The following CHLSN variants were observed in gnomAD, a reference collection of about 807,000 sequenced individuals.
CHLSN encodes cholesin.
At chr7:1,080,367 C>G in the CHLSN span, among the ~76,000 whole-genome samples, 6,879 of 152,328 alleles carry the variant, frequency 0.045, 202 homozygotes, top group East Asian at 0.067. Context: ...CGAGCAGCCA[C>G]GGCCACCTGG....
chr7:1,101,112 GCCA>G, the CHLSN span, among the ~76,000 whole-genome samples: 27 of 152,370 alleles, frequency 1.8e-4, no homozygotes, highest in East Asian at 4.6e-3. Flanking sequence ...TGACACGTGC[GCCA>G]CGAGGGCAGG....
the CHLSN span, among the ~76,000 whole-genome samples, chr7:1,085,986 G>A: frequency 6.6e-6 from 1 of 152,214 alleles, no homozygotes; most frequent in Non-Finnish European, 1.5e-5. Flanking sequence ...ATCAGTAGCT[G>A]TACAGTACAA....
chr7:998,211 TCTTGGTGGCCTGACC>T, the CHLSN span, among the ~76,000 whole-genome samples: 1 of 152,172 alleles, frequency 6.6e-6, no homozygotes, highest in Non-Finnish European at 1.5e-5. Context: ...AGGTGGCATC[TCTTGGTGGCCTGACC>T]CTTGTCTGCT....
chr7:989,155 T>C, the CHLSN span: 2 of 341,756 alleles, frequency 5.9e-6, no homozygotes, highest in African/African-American at 4.2e-5. Context: ...CACCTACAGC[T>C]GGGGCTGCAG....
the CHLSN span, among the ~76,000 whole-genome samples, chr7:996,261 G>A: frequency 6.6e-6 from 1 of 152,186 alleles, no homozygotes; most frequent in Non-Finnish European, 1.5e-5. Flanking sequence ...GGGTGAGGCC[G>A]GCCGTGCTCC....
chr7:1,122,054 GC>G, the CHLSN span, among the ~76,000 whole-genome samples: 1 of 152,226 alleles, frequency 6.6e-6, no homozygotes, highest in Admixed American at 6.5e-5. Flanking sequence ...CCGGCTCGCA[GC>G]CAGCCACAGG....
the CHLSN span, among the ~76,000 whole-genome samples, chr7:1,014,016 C>G: frequency 6.6e-6 from 1 of 152,216 alleles, no homozygotes; most frequent in African/African-American, 2.4e-5. Flanking sequence ...GGGGAGGCGG[C>G]CAGCGGGCCT....
At chr7:1,110,051 G>A in the CHLSN span, among the ~76,000 whole-genome samples, 4 of 151,664 alleles carry the variant, frequency 2.6e-5, no homozygotes, top group Admixed American at 1.3e-4. Flanking sequence ...GGCCCTCCAC[G>A]CCCAGACACG....
the CHLSN span, chr7:1,127,323 C>T: frequency 6.2e-7 from 1 of 1,610,872 alleles, no homozygotes. Flanking sequence ...CTGCTGACGC[C>T]TTCTTCAGCT....
chr7:1,011,377 CCA>C, the CHLSN span, among the ~76,000 whole-genome samples: 17 of 149,568 alleles, frequency 1.1e-4, no homozygotes, highest in South Asian at 6.4e-4. Flanking sequence ...TCCAACAAAT[CCA>C]CAGACACCCA....
the CHLSN span, among the ~76,000 whole-genome samples, chr7:1,133,233 C>T: frequency 0.11 from 16,168 of 151,872 alleles, 1,486 homozygotes; most frequent in African/African-American, 0.25. Flanking sequence ...TCAGGATACG[C>T]AAATTATACT....
At chr7:1,070,722 GCA>G in the CHLSN span, among the ~76,000 whole-genome samples, 1 of 142,614 alleles carries the variant, frequency 7.0e-6, no homozygotes, top group Non-Finnish European at 1.5e-5. Context: ...ACGCACACGC[GCA>G]CACATGCACG....
chr7:1,056,713 G>A, the CHLSN span: 1 of 152,238 alleles, frequency 6.6e-6, no homozygotes, highest in Non-Finnish European at 1.5e-5. Context: ...TCTTGCCTCC[G>A]GGCATGGGAA....
the CHLSN span, among the ~76,000 whole-genome samples, chr7:995,394 G>A: frequency 1.3e-5 from 2 of 152,234 alleles, no homozygotes; most frequent in Non-Finnish European, 2.9e-5. Flanking sequence ...GCTGTCGAAG[G>A]GAGGCCCAGG....
At chr7:1,059,971 G>GTAGTGCGGCGGGTCT in the CHLSN span, among the ~76,000 whole-genome samples, 4 of 31,094 alleles carry the variant, frequency 1.3e-4, no homozygotes, top group African/African-American at 6.0e-4. Context: ...AGGCGGGCCC[G>GTAGTGCGGCGGGTCT]TAGTGGGGCG....
At chr7:1,113,661 C>T in the CHLSN span, among the ~76,000 whole-genome samples, 5 of 152,278 alleles carry the variant, frequency 3.3e-5, 1 homozygote, top group Middle Eastern at 3.4e-3. Flanking sequence ...ACACCCACCT[C>T]GTCCCAGCCC....
chr7:1,096,924 T>C, the CHLSN span, among the ~76,000 whole-genome samples: 1 of 152,044 alleles, frequency 6.6e-6, no homozygotes, highest in African/African-American at 2.4e-5. The surrounding 1 kb of genome is among the most constrained non-coding windows in gnomAD (Gnocchi z 4.6). Context: ...AGGAGGGTGT[T>C]TCTGTGGCGG....
chr7:1,118,746 G>C, the CHLSN span, among the ~76,000 whole-genome samples: 3 of 133,594 alleles, frequency 2.2e-5, no homozygotes, highest in East Asian at 6.8e-4. Flanking sequence ...AGAATCACTT[G>C]AGCCCAGGAG....
chr7:1,102,708 C>T, the CHLSN span, among the ~76,000 whole-genome samples: 7,045 of 152,276 alleles, frequency 0.046, 428 homozygotes, highest in African/African-American at 0.14. Flanking sequence ...ATCCTGCGCC[C>T]CTTTCCGTGA....
Sources: gnomAD v4.1 joint callset for allele counts (sites outside exome capture counted in the v4.1 genomes callset) on GRCh38, gnomAD v4.1.1 for gene constraint, Gnocchi (gnomAD v3.1) non-coding constraint, MANE v1.5 for transcripts, NCBI Gene and HGNC (gene_info 2026-07-23, HGNC 2026-07-21) for gene names.